The following COL19A1 variants were observed in gnomAD, a reference collection of about 807,000 sequenced individuals.
COL19A1 encodes collagen alpha-1(XIX) chain.
COL19A1 carries 159 observed loss-of-function variants against 190.2 expected under a neutral mutation model. The ratio of observed to expected loss-of-function variants is 0.84; its 90% CI spans 0.73 to 0.95. The LOEUF is 0.95. Among genes scored for constraint, COL19A1 ranks in the 40% least tolerant of loss-of-function variants. The pLI, the probability that COL19A1 is intolerant of heterozygous loss-of-function variation, is 0.00. For synonymous variants in COL19A1, 509 were observed against 458.9 expected (o/e 1.11, Z -1.39); for missense variants, 1,418 against 1,431.9 (o/e 0.99, Z 0.16).
In COL19A1 at chr6:70,190,499, G is replaced by A; in HGVS notation, c.3094+118G>A. 3.1e-5 allele frequency: 21 copies of A among 670,856 alleles called. No homozygotes were observed. In the South Asian group the frequency reaches 3.6e-4, roughly 12 times the overall value. The allele number at this position is 670,856 out of a possible 1,614,324, so 41.6% of individuals were successfully genotyped here. A position where few individuals can be genotyped will look rare whatever the true frequency, so the allele number is the denominator to read the frequency against. ...GGCCATGCCACAAAAACCTTAAGGG[G>A]CAGCCCATTTTATGATGGGACAGCT... is the stretch of plus-strand genomic sequence containing the variant. On this transcript the variant is annotated intron_variant, in intron 48 of 50. Transcript: ENST00000620364.
chr6:70,144,303 T>C, intron 24 of COL19A1, 40 bp downstream of exon 24: 1 of 1,518,962 alleles, frequency 6.6e-7, no homozygotes, highest in Non-Finnish European at 9.0e-7. Context: ...GTTAAGTAGA[T>C]AGGAGGAAGA....
At chr6:69,931,852 TC>T (rs774586629) in intron 6 of COL19A1, among the ~76,000 whole-genome samples, 11 of 152,038 alleles carry the variant, frequency 7.2e-5, no homozygotes, top group East Asian at 5.8e-4. Flanking sequence ...TATAGATTTT[TC>T]CCCCCTTTTT....
In COL19A1 at chr6:70,164,593, A is replaced by G. The variant is rs1788013400; in HGVS notation, c.2400+1197A>G. Among the ~76,000 whole-genome samples the G allele has an allele frequency of 1.3e-5, 2 of 152,174 alleles. 1 individual carries two copies. Among genetic ancestry groups the G allele is most frequent in the Non-Finnish European group, 2.9e-5 (2 of 68,026 alleles). ...TCTCTGTTCTCTATGGAAATTATTC[A>G]GTCATAGACTTGCCTTTGAAGTTAA... On this transcript the variant is annotated intron_variant, in intron 36 of 50. Coordinates refer to ENST00000620364, the MANE Select transcript of COL19A1 (RefSeq NM_001858.6).
At chr6:70,061,772 T>C (rs1205978540) in intron 14 of COL19A1, among the ~76,000 whole-genome samples, 1 of 152,116 alleles carries the variant, frequency 6.6e-6, no homozygotes, top group Admixed American at 6.6e-5. Context: ...TGACTATTCA[T>C]GAAATTATAA....
intron 28 of COL19A1, 39 bp downstream of exon 28, chr6:70,149,778 G>T: frequency 6.2e-7 from 1 of 1,613,536 alleles, no homozygotes; most frequent in South Asian, 1.1e-5. Flanking sequence ...AGCAAAGCCA[G>T]CTTGCTTACT....
At chr6:69,904,909 G>A (rs1483238476) in intron 4 of COL19A1, among the ~76,000 whole-genome samples, 2 of 152,034 alleles carry the variant, frequency 1.3e-5, no homozygotes, top group African/African-American at 4.8e-5. Context: ...ATTTCACACA[G>A]TGCAGTCAGA....
intron 15 of COL19A1, among the ~76,000 whole-genome samples, chr6:70,069,716 A>G (rs925853795): frequency 3.3e-5 from 5 of 152,054 alleles, no homozygotes; most frequent in Admixed American, 6.6e-5. Context: ...TTTTTATTTT[A>G]ATGAAAACTG....
chr6:69,978,262 GAGAA>G (rs1440876409), intron 11 of COL19A1, among the ~76,000 whole-genome samples: 1 of 152,002 alleles, frequency 6.6e-6, no homozygotes, highest in Non-Finnish European at 1.5e-5. Context: ...TATAGAGAGA[GAGAA>G]AGAGAGAGAA....
rs1292592634 is a variant in COL19A1 at position 70,121,954 on chromosome 6, T to G, written c.1341+12T>G. On this transcript the variant is annotated intron_variant, in intron 17 of 50. Coordinates refer to ENST00000620364, the MANE Select transcript of COL19A1 (RefSeq NM_001858.6). ...ACAAGGATAACAAGGTATGGCTTCT[T>G]TTTTCCCATAATTTATAATACATAG... is the stretch of plus-strand genomic sequence containing the variant. The G allele has an allele frequency of 1.3e-6, 2 of 1,525,450 alleles. No homozygotes were observed. The allele number at this position is 1,525,450 out of a possible 1,614,324, so 94.5% of individuals were successfully genotyped here. A position where few individuals can be genotyped will look rare whatever the true frequency, so the allele number is the denominator to read the frequency against.
chr6:70,040,720 G>A (rs1582755965), intron 14 of COL19A1, among the ~76,000 whole-genome samples: 1 of 152,164 alleles, frequency 6.6e-6, no homozygotes, highest in Non-Finnish European at 1.5e-5. Flanking sequence ...AGAGAAATCT[G>A]AGGCCTGTAA....
intron 11 of COL19A1, among the ~76,000 whole-genome samples, chr6:69,965,049 C>T (rs759111722): frequency 6.6e-6 from 1 of 152,178 alleles, no homozygotes; most frequent in Non-Finnish European, 1.5e-5. Context: ...ATGAAACATT[C>T]ACATTGGTGT....
chr6:70,002,007 A>C (rs1040384103), intron 11 of COL19A1, among the ~76,000 whole-genome samples: 3 of 152,214 alleles, frequency 2.0e-5, no homozygotes, highest in South Asian at 2.1e-4. Context: ...TGGGTTTATC[A>C]TAAATAGCTC....
At chr6:70,070,960 G>C (rs192844903) in intron 15 of COL19A1, among the ~76,000 whole-genome samples, 144 of 152,216 alleles carry the variant, frequency 9.5e-4, no homozygotes, top group African/African-American at 3.4e-3. Flanking sequence ...AGAAGGTATT[G>C]ACTATCATTA....
At chr6:69,924,231 T>A (rs1240506020) in intron 4 of COL19A1, among the ~76,000 whole-genome samples, 2 of 152,122 alleles carry the variant, frequency 1.3e-5, no homozygotes, top group African/African-American at 2.4e-5. Context: ...TAGGTACATC[T>A]CCTAATGCTA....
chr6:70,111,109 A>G (rs1000975538), intron 16 of COL19A1, among the ~76,000 whole-genome samples: 1 of 152,214 alleles, frequency 6.6e-6, no homozygotes, highest in African/African-American at 2.4e-5. Context: ...TTGATGATAT[A>G]GTTTCCAAGA....
At chr6:69,975,608 A>G (rs1397889221) in intron 11 of COL19A1, among the ~76,000 whole-genome samples, 1 of 152,300 alleles carries the variant, frequency 6.6e-6, no homozygotes, top group South Asian at 2.1e-4. Flanking sequence ...TATTCTGGGG[A>G]TTTAAGCCTG....
At chr6:70,080,020 C>T (rs1224270088) in intron 15 of COL19A1, among the ~76,000 whole-genome samples, 2 of 152,070 alleles carry the variant, frequency 1.3e-5, no homozygotes, top group Admixed American at 1.3e-4. Flanking sequence ...CAGGTATAAA[C>T]ATGGGTCAGC....
intron 4 of COL19A1, among the ~76,000 whole-genome samples, chr6:69,921,793 C>A (rs567462335): frequency 1.4e-5 from 2 of 146,936 alleles, no homozygotes; most frequent in East Asian, 4.0e-4. Flanking sequence ...TATGTAGATT[C>A]GTATATGTAT....
chr6:70,170,492 G>A (rs762036277), intron 40 of COL19A1, among the ~76,000 whole-genome samples: 8 of 151,948 alleles, frequency 5.3e-5, no homozygotes, highest in Non-Finnish European at 8.8e-5. Context: ...CTTCTGAGGC[G>A]CTCCATTTCA....
Sources: gnomAD v4.1 joint callset for allele counts (sites outside exome capture counted in the v4.1 genomes callset) on GRCh38, gnomAD v4.1.1 for gene constraint, MANE v1.5 for transcripts, NCBI Gene and HGNC (gene_info 2026-07-23, HGNC 2026-07-21) for gene names.